The following C7 variants were observed in gnomAD, a reference collection of about 807,000 sequenced individuals.
The protein encoded by C7 is complement C7.
In C7, 83 loss-of-function variants were observed where a neutral mutation model predicts 104.8. The observed-to-expected ratio is 0.79, with a 90% CI of 0.66 to 0.95. The LOEUF (loss-of-function observed/expected upper bound fraction) is 0.95, where lower values mean the gene tolerates loss of function less well. Among genes scored for constraint, C7 ranks in the 40% least tolerant of loss-of-function variants. The probability of loss-of-function intolerance (pLI) is 0.00; values close to 1 mark genes in which losing one functional copy is unlikely to be tolerated. For synonymous variants in C7, 415 were observed against 360.6 expected (o/e 1.15, Z -1.71); for missense variants, 1,070 against 1,011.2 (o/e 1.06, Z -0.79).
rs1043192019 is a variant in C7 at position 40,937,674 on chromosome 5, T to C, written c.551T>C (p.Leu184Pro). The C allele has an allele frequency of 1.3e-6, 2 of 1,591,498 alleles. No individual in the cohort carries two copies. The highest frequency in any genetic ancestry group is 2.7e-5 in the African/African-American group (2 of 74,552). The change falls in exon 6 of 18, where the codon CTG (leucine) becomes CCG (proline). Residue 184 changes from leucine (L) to proline (P), a missense_variant. Coordinates refer to ENST00000313164, the MANE Select transcript of C7 (RefSeq NM_000587.4). ...KDFYRLSGNV[L>P]SYTFQVKINN... The stretch of plus-strand genomic sequence containing the variant: ...TTCTACAGGCTGAGTGGAAATGTCC[T>C]GTCCTATACATTCCAGGTACTTACG...
At chr5:40,941,851 A>G (rs1739946575) in intron 6 of C7, among the ~76,000 whole-genome samples, 1 of 152,206 alleles carries the variant, frequency 6.6e-6, no homozygotes, top group Admixed American at 6.5e-5. Flanking sequence ...TTGAGCTGGA[A>G]ATAGACATTT....
rs755973576 is a variant in C7 at position 40,979,813 on chromosome 5, G to A, written c.2254G>A (p.Gly752Ser). Residue 752 changes from glycine (G) to serine (S), a missense_variant, in exon 17 of 18, where the codon GGT (glycine) becomes AGT (serine). Gly to Ser is a moderately conservative substitution (Grantham distance 56, BLOSUM62 0). Transcript: ENST00000313164. ...VCKMHVLHCQ[G>S]RNYTLTGRDS... is the part of the protein sequence containing the mutation. The stretch of plus-strand genomic sequence containing the variant: ...CAAGATGCATGTTCTCCACTGTCAG[G>A]GTAGAAATTACACCCTTACTGGTAG... 4 of 1,613,584 alleles carry A rather than the reference G, an allele frequency of 2.5e-6. No individual in the cohort carries two copies. Among genetic ancestry groups the A allele is most frequent in the African/African-American group, 1.3e-5 (1 of 75,010 alleles).
chr5:40,911,727 T>A (rs975531626), intron 1 of C7, among the ~76,000 whole-genome samples: 9 of 150,162 alleles, frequency 6.0e-5, no homozygotes, highest in African/African-American at 2.2e-4. Flanking sequence ...TACCACACAC[T>A]TTTTCTTTCT....
chr5:40,922,374 C>CAAAAAAA lies in C7; in HGVS notation c.7-6185_7-6179dup, dbSNP rs869109946. On this transcript the variant is annotated intron_variant, in intron 1 of 17. Coordinates refer to ENST00000313164, the MANE Select transcript of C7 (RefSeq NM_000587.4). The stretch of plus-strand genomic sequence containing the variant: ...TGGGCAACAGAGTGAGACTCTGTCT[C>CAAAAAAA]AAAAAAAAAAAAAAAAAAAAAAAAA... 6.7e-4 allele frequency among the ~76,000 whole-genome samples: 29 copies of CAAAAAAA among 43,080 alleles called. 1 individual carries two copies. The highest frequency in any genetic ancestry group is 3.9e-3 in the East Asian group (4 of 1,030). 28.3% of individuals were successfully genotyped at this position (43,080 alleles called of 152,430 possible).
intron 15 of C7, among the ~76,000 whole-genome samples, chr5:40,976,363 G>A (rs1015471688): frequency 1.3e-5 from 2 of 152,194 alleles, no homozygotes; most frequent in African/African-American, 4.8e-5. Context: ...TCAGACCAAT[G>A]TAGAATTAAA....
At chr5:40,912,620 A>G (rs1484477646) in intron 1 of C7, among the ~76,000 whole-genome samples, 1 of 152,188 alleles carries the variant, frequency 6.6e-6, no homozygotes, top group Non-Finnish European at 1.5e-5. Context: ...TGTCCTCCCC[A>G]AATGCCAGGA....
At position 40,967,953 on chromosome 5, in the gene C7, T is replaced by C. The variant is rs143301141; in HGVS notation, c.1882+3080T>C. On this transcript the variant is annotated intron_variant, in intron 14 of 17. Coordinates refer to ENST00000313164, the MANE Select transcript of C7 (RefSeq NM_000587.4). ...TTGAACCTGTGCTTTAAGTCTTTTG[T>C]CAGTTTTAGACCATTTCTTGACCAT... Among the ~76,000 whole-genome samples, 3 of 152,306 alleles carry C rather than the reference T, an allele frequency of 2.0e-5. No individual in the cohort carries two copies. The East Asian group carries it at 5.8e-4, about 29-fold the overall frequency.
chr5:40,983,071 A>G lies in C7; in HGVS notation c.*1498A>G, dbSNP rs1740984502. 6.6e-6 allele frequency: 1 copy of G among 152,354 alleles called. No individual in the cohort carries two copies. Among genetic ancestry groups the G allele is most frequent in the South Asian group, 2.1e-4 (1 of 4,834 alleles). 9.4% of individuals were successfully genotyped at this position (152,354 alleles called of 1,614,324 possible). On this transcript the variant is annotated 3_prime_UTR_variant, in exon 18 of 18. Coordinates refer to ENST00000313164, the MANE Select transcript of C7 (RefSeq NM_000587.4). ...CAAAGTGTGCCCTAAGGGAAGATGC[A>G]GATATAATATGTTGAAGTTACAAGG...
chr5:40,935,897 G>A (rs1270779198), intron 4 of C7, among the ~76,000 whole-genome samples: 2 of 152,170 alleles, frequency 1.3e-5, no homozygotes, highest in African/African-American at 2.4e-5. Context: ...CTACGGAAAT[G>A]TTGAATTTTA....
In C7 at chr5:40,934,359, A is replaced by AACTGGC; in HGVS notation, c.173_174insACTGGC (p.Tyr58delinsTer). On this transcript the variant is annotated stop_gained, in exon 4 of 18. Coordinates refer to ENST00000313164, the MANE Select transcript of C7 (RefSeq NM_000587.4). LOFTEE classifies it high-confidence loss of function. The stretch of plus-strand genomic sequence containing the variant: ...CGGTCAGTTGCTGTGTATGGGCAGT[A>AACTGGC]TGGAGGCCAGCCTTGTGTTGGAAAT... 6.2e-7 allele frequency: 1 copy of AACTGGC among 1,613,590 alleles called. No individual in the cohort carries two copies. Among genetic ancestry groups the AACTGGC allele is most frequent in the Non-Finnish European group, 8.5e-7 (1 of 1,179,660 alleles).
chr5:40,930,054 C>G (rs973822932), intron 2 of C7, among the ~76,000 whole-genome samples: 2 of 152,112 alleles, frequency 1.3e-5, no homozygotes, highest in African/African-American at 4.8e-5. Context: ...CCTCTTAACT[C>G]AAACTCTCCC....
intron 1 of C7, among the ~76,000 whole-genome samples, chr5:40,912,773 T>A (rs1436547881): frequency 6.6e-6 from 1 of 152,214 alleles, no homozygotes; most frequent in Non-Finnish European, 1.5e-5. Context: ...TGAAATTTTA[T>A]GGTTTTTTTT....
Position 40,981,798 on chromosome 5 carries a change from C to T in C7, c.*225C>T, listed in dbSNP as rs1015341679. On this transcript the variant is annotated 3_prime_UTR_variant, in exon 18 of 18. Transcript: ENST00000313164. ...ATGTCAGTAAGGATATGAGCCTTTG[C>T]ACAGGCTGGCTGCGTGTTCTTGAAA... The T allele has an allele frequency of 4.8e-5, 20 of 417,926 alleles. No homozygotes were observed. Among genetic ancestry groups the T allele is most frequent in the Admixed American group, 7.9e-5 (2 of 25,416 alleles). 25.9% of individuals were successfully genotyped at this position (417,926 alleles called of 1,614,324 possible).
chr5:40,979,210 T>C (rs1270178147), intron 16 of C7, among the ~76,000 whole-genome samples: 1 of 152,174 alleles, frequency 6.6e-6, no homozygotes, highest in Non-Finnish European at 1.5e-5. Flanking sequence ...ATAGATACTT[T>C]TAAAAGTAGC....
chr5:40,973,281 G>A (rs1241170877), intron 15 of C7, among the ~76,000 whole-genome samples: 1 of 151,936 alleles, frequency 6.6e-6, no homozygotes, highest in Non-Finnish European at 1.5e-5. Flanking sequence ...TTTATTCTTT[G>A]TTTACATTTT....
chr5:40,972,545 C>T lies in C7; in HGVS notation c.2025C>T (p.Ser675=). 1 of 1,613,126 alleles carries T rather than the reference C, an allele frequency of 6.2e-7. No homozygotes were observed. Among genetic ancestry groups the T allele is most frequent in the South Asian group, 1.1e-5 (1 of 90,920 alleles). The change falls in exon 15 of 18, where the codon TCC becomes TCT. Residue 675 remains serine, a synonymous_variant. Coordinates refer to ENST00000313164, the MANE Select transcript of C7 (RefSeq NM_000587.4). The stretch of plus-strand genomic sequence containing the variant: ...GTCCTTCAGCATTTCTCTGTGGCTC[C>T]AGCCTTAAGTGGAGTCCTGAGATGA... ...LEGPSAFLCG[S]SLKWSPEMKN...
chr5:40,914,484 TA>T (rs1436081793), intron 1 of C7, among the ~76,000 whole-genome samples: 1 of 152,174 alleles, frequency 6.6e-6, no homozygotes, highest in Non-Finnish European at 1.5e-5. Flanking sequence ...TCCATTTGTC[TA>T]ATCTTGTTTT....
Position 40,909,721 on chromosome 5 carries a change from G to A in C7, c.6+105G>A. 4.2e-6 allele frequency: 3 copies of A among 710,768 alleles called. No individual in the cohort carries two copies. In the South Asian group the frequency reaches 1.1e-4, roughly 27 times the overall value. 44.0% of individuals were successfully genotyped at this position (710,768 alleles called of 1,614,324 possible). ...GAAGAGGTGTAATACCTAACTGAAA[G>A]ACATCAAATAAATAGAAGGCCAGAG... On this transcript the variant is annotated intron_variant, in intron 1 of 17. Transcript: ENST00000313164.
At chr5:40,920,594 C>T (rs1401636931) in intron 1 of C7, among the ~76,000 whole-genome samples, 9 of 141,282 alleles carry the variant, frequency 6.4e-5, no homozygotes, top group East Asian at 2.1e-4. Flanking sequence ...TTCTACCAAA[C>T]ATTTATTTTT....
Sources: allele counts gnomAD v4.1 joint callset (sites outside exome capture counted in the v4.1 genomes callset), GRCh38; gene constraint gnomAD v4.1.1; transcripts MANE v1.5; gene names NCBI Gene and HGNC (gene_info 2026-07-23, HGNC 2026-07-21).